Variants in PNPT1 observed in about 807,000 individuals in gnomAD.
PNPT1 encodes the protein polyribonucleotide nucleotidyltransferase 1, mitochondrial.
Under a neutral mutation model 119.5 loss-of-function variants are expected in PNPT1, and 53 were observed. The ratio of observed to expected loss-of-function variants is 0.44; its 90% CI spans 0.36 to 0.56. PNPT1 has a LOEUF of 0.56. Among genes scored for constraint, PNPT1 ranks in the 20% least tolerant of loss-of-function variants. PNPT1 has a pLI of 0.00. For synonymous variants in PNPT1, 357 were observed against 322.1 expected (o/e 1.11, Z -1.16); for missense variants, 948 against 938.5 (o/e 1.01, Z -0.13).
intron 25 of PNPT1, among the ~76,000 whole-genome samples, chr2:55,641,999 G>A (rs1034998719): frequency 6.6e-6 from 1 of 151,978 alleles, no homozygotes; most frequent in East Asian, 1.9e-4. Flanking sequence ...GCACCACCAT[G>A]CCTGGCTAAC....
intron 13 of PNPT1, among the ~76,000 whole-genome samples, chr2:55,663,598 T>A (rs187172008): frequency 2.0e-4 from 30 of 152,128 alleles, no homozygotes; most frequent in African/African-American, 7.0e-4. Flanking sequence ...GAGGTGCAAA[T>A]CTTGAAAGCA....
intron 22 of PNPT1, 37 bp downstream of exon 22, chr2:55,645,312 C>T (rs773510933): frequency 1.0e-5 from 15 of 1,460,734 alleles, no homozygotes; most frequent in African/African-American, 1.4e-5. Flanking sequence ...GCGTGAGCCA[C>T]CGCGCCCAGC....
intron 1 of PNPT1, among the ~76,000 whole-genome samples, chr2:55,692,891 T>C (rs1222845165): frequency 6.6e-6 from 1 of 152,162 alleles, no homozygotes; most frequent in Non-Finnish European, 1.5e-5. Context: ...TGTGAGCGCC[T>C]GACCTTTTGC....
intron 23 of PNPT1, among the ~76,000 whole-genome samples, chr2:55,644,151 T>C (rs1343115192): frequency 1.3e-5 from 2 of 152,222 alleles, no homozygotes; most frequent in African/African-American, 4.8e-5. Context: ...AGTTTCTCAG[T>C]GTTAGCAAAT....
chr2:55,654,339 T>A (rs1271551320), intron 18 of PNPT1, among the ~76,000 whole-genome samples: 1 of 152,202 alleles, frequency 6.6e-6, no homozygotes, highest in Non-Finnish European at 1.5e-5. Context: ...GAAACATTTG[T>A]AGTCCGCCTT....
At chr2:55,687,170 C>T (rs566944234) in intron 2 of PNPT1, among the ~76,000 whole-genome samples, 3 of 147,862 alleles carry the variant, frequency 2.0e-5, no homozygotes, top group Middle Eastern at 3.4e-3. Flanking sequence ...ACCGAGATCG[C>T]GCCGCTGCAC....
chr2:55,660,862 C>A lies in PNPT1; in HGVS notation c.1248-669G>T, dbSNP rs150289282. Among the ~76,000 whole-genome samples, 465 of 152,262 alleles carry A rather than the reference C, an allele frequency of 3.1e-3. 4 individuals carry two copies. Among genetic ancestry groups the A allele is most frequent in the African/African-American group, 0.01 (431 of 41,534 alleles). On this transcript the variant is annotated intron_variant, in intron 14 of 27. Transcript: ENST00000447944. ...GTGTTCTGCATTCCACCTTCACACA[C>A]ACAGCTGCACTGTCGATTCTATCAG... is the stretch of plus-strand genomic sequence containing the variant.
intron 8 of PNPT1, among the ~76,000 whole-genome samples, chr2:55,673,573 C>T (rs1461878500): frequency 2.6e-5 from 4 of 151,636 alleles, no homozygotes; most frequent in East Asian, 1.9e-4. Context: ...CTCAGCCTCC[C>T]GAGTAGCTGG....
At chr2:55,667,126 A>G in intron 12 of PNPT1, 33 bp from the exon 13 acceptor site, 2 of 1,507,494 alleles carry the variant, frequency 1.3e-6, no homozygotes, top group African/African-American at 2.8e-5. Context: ...TACATTAAGT[A>G]ACGCTGGAAA....
At chr2:55,688,026 C>A (rs1034429277) in intron 1 of PNPT1, among the ~76,000 whole-genome samples, 8 of 151,442 alleles carry the variant, frequency 5.3e-5, no homozygotes, top group Admixed American at 1.3e-4. Context: ...GGTCTTTGTG[C>A]CTTGTATCTT....
intron 13 of PNPT1, among the ~76,000 whole-genome samples, chr2:55,665,202 A>T (rs1424995077): frequency 3.9e-5 from 6 of 152,216 alleles, no homozygotes; most frequent in Non-Finnish European, 8.8e-5. Flanking sequence ...GAGAAAAATA[A>T]AGTATTAGTA....
rs1572822559 is a variant in PNPT1, at chr2:55,671,352, T to C, written c.943A>G (p.Lys315Glu). Residue 315 changes from lysine (K) to glutamate (E), a missense_variant, in exon 11 of 28, where the codon AAA (lysine) becomes GAA (glutamate). Lys to Glu is a moderately conservative substitution (Grantham distance 56, BLOSUM62 1). Coordinates refer to ENST00000447944, the MANE Select transcript of PNPT1 (RefSeq NM_033109.5). ...TGTTCCTCCGTATCTAATCTTATTT[T>C]GTTAACAGCTTCATCTCTGGAAACC... is the stretch of plus-strand genomic sequence containing the variant. ...DKVSRDEAVNKIRLDTEEQLK... is the reference protein window; with the variant it reads ...DKVSRDEAVNEIRLDTEEQLK... 6.5e-7 allele frequency: 1 copy of C among 1,540,674 alleles called. No individual in the cohort carries two copies. Among genetic ancestry groups the C allele is most frequent in the East Asian group, 2.4e-5 (1 of 42,434 alleles).
rs374753336 is a variant in PNPT1, at chr2:55,683,390, G to A, written c.453+395C>T. 1.6e-4 allele frequency among the ~76,000 whole-genome samples: 24 copies of A among 152,062 alleles called. No individual in the cohort carries two copies. The South Asian group carries it at 3.1e-3, about 20-fold the overall frequency. ...AGCACTTTGGGAGGCCGAGGGGGGC[G>A]GATCACAAGGTCAGGAGTTCAAGAC... On this transcript the variant is annotated intron_variant, in intron 5 of 27. Transcript: ENST00000447944.
chr2:55,646,243 A>T lies in PNPT1; in HGVS notation c.1738+16T>A, dbSNP rs753703594. Reference sequence around the variant, plus strand: ...AGTGGAAAAGAATGAAGGGAGAATCAAGCACACTAGCTCACCTGAAGCTTG... The same window carrying T: ...AGTGGAAAAGAATGAAGGGAGAATCTAGCACACTAGCTCACCTGAAGCTTG... On this transcript the variant is annotated intron_variant, in intron 21 of 27. Coordinates refer to ENST00000447944, the MANE Select transcript of PNPT1 (RefSeq NM_033109.5). 2.5e-6 allele frequency: 4 copies of T among 1,602,212 alleles called. No homozygotes were observed. In the Admixed American group the frequency reaches 6.8e-5, roughly 27 times the overall value.
intron 18 of PNPT1, among the ~76,000 whole-genome samples, chr2:55,652,214 G>C (rs562118978): frequency 1.3e-5 from 2 of 152,060 alleles, no homozygotes; most frequent in East Asian, 3.9e-4. Context: ...TCAAAAACTG[G>C]GTACAATTTG....
intron 17 of PNPT1, among the ~76,000 whole-genome samples, chr2:55,655,537 T>C (rs7559307): frequency 0.93 from 141,975 of 152,330 alleles, 66,724 homozygotes; most frequent in African/African-American, 0.97. Flanking sequence ...GGCTCTCTCA[T>C]TCTCATAAGC....
intron 1 of PNPT1, among the ~76,000 whole-genome samples, 186 bp downstream of exon 1, chr2:55,693,477 G>A (rs1697687319): frequency 6.6e-6 from 1 of 152,212 alleles, no homozygotes; most frequent in African/African-American, 2.4e-5. Flanking sequence ...GAACGACATA[G>A]CGCGGGAAGG....
At chr2:55,645,156 T>C (rs1008121541) in intron 22 of PNPT1, 193 bp downstream of exon 22, 4 of 385,516 alleles carry the variant, frequency 1.0e-5, no homozygotes, top group Admixed American at 4.4e-5. Context: ...CCCGAGTAGC[T>C]GGGACTACAG....
chr2:55,639,506 A>AT (rs1351934626), intron 26 of PNPT1, among the ~76,000 whole-genome samples: 4 of 152,206 alleles, frequency 2.6e-5, no homozygotes, highest in Admixed American at 6.5e-5. Flanking sequence ...GTTAAAACTG[A>AT]TATCTTAATT....
Sources: allele counts gnomAD v4.1 joint callset (sites outside exome capture counted in the v4.1 genomes callset), GRCh38; gene constraint gnomAD v4.1.1; transcripts MANE v1.5; gene names NCBI Gene and HGNC (gene_info 2026-07-23, HGNC 2026-07-21).